Variants in NRG4 observed in about 807,000 individuals in gnomAD.
NRG4 encodes the protein neuregulin 4.
A neutral mutation model predicts 15.0 loss-of-function variants in NRG4; 10 were observed. That is an observed-to-expected ratio of 0.67 (90% CI 0.41 to 1.13). NRG4 has a LOEUF of 1.13. Ranked by LOEUF, NRG4 falls within the 50% of genes most tolerant of loss-of-function variation. The pLI is 0.00. For synonymous variants in NRG4, 41 were observed against 50.1 expected, an observed-to-expected ratio of 0.82 and a Z score of 0.77; for missense variants, 139 against 140.2, an observed-to-expected ratio of 0.99 and a Z score of 0.04.
At chr15:76,043,469 C>T (rs1450191431) in intron 4 of NRG4, among the ~76,000 whole-genome samples, 1 of 152,072 alleles carries the variant, frequency 6.6e-6, no homozygotes, top group East Asian at 1.9e-4. Context: ...ACAAAATCAA[C>T]AAACAAACAT....
Position 76,028,889 on chromosome 15 carries a change from T to C in NRG4, c.-57+7055A>G, listed in dbSNP as rs1227201440. Among the ~76,000 whole-genome samples the C allele has an allele frequency of 4.3e-5, 5 of 117,072 alleles. No individual in the cohort carries two copies. In the Admixed American group the frequency reaches 5.9e-4, roughly 14 times the overall value. The allele number at this position is 117,072 out of a possible 152,430, so 76.8% of individuals were successfully genotyped here. On this transcript the variant is annotated intron_variant, in intron 5 of 8. Coordinates refer to the NRG4 transcript ENST00000563910. ...CTGCACTCCAGCCTGGGTGGCAGAG[T>C]GAGACTCCTCCTCCAAAAAAAAAAA...
chr15:76,052,459 C>A (rs1430370398), intron 3 of NRG4, among the ~76,000 whole-genome samples: 1 of 150,944 alleles, frequency 6.6e-6, no homozygotes, highest in Non-Finnish European at 1.5e-5. Flanking sequence ...ATTAAAAGAT[C>A]AGATGGTGGT....
chr15:76,050,938 C>T (rs1295800134), intron 4 of NRG4, among the ~76,000 whole-genome samples: 1 of 149,862 alleles, frequency 6.7e-6, no homozygotes, highest in African/African-American at 2.5e-5. Flanking sequence ...ACCAAGTAGC[C>T]AGGACCACAG....
intron 1 of NRG4, chr15:76,057,042 A>G (rs1206276667): frequency 6.6e-6 from 1 of 152,244 alleles, no homozygotes; most frequent in Non-Finnish European, 1.5e-5. Flanking sequence ...TGATATACCA[A>G]GCTTAAACCC....
chr15:75,991,001 C>G (rs1461204054), intron 3 of NRG4, among the ~76,000 whole-genome samples: 1 of 152,050 alleles, frequency 6.6e-6, no homozygotes, highest in Non-Finnish European at 1.5e-5. Context: ...TTCTATTAAT[C>G]TAGCTATGAG....
chr15:76,034,670 C>A (rs923889765), intron 5 of NRG4, among the ~76,000 whole-genome samples: 7 of 151,548 alleles, frequency 4.6e-5, no homozygotes, highest in African/African-American at 1.7e-4. Flanking sequence ...GGATTCTTAT[C>A]TCTTAGCTGC....
rs531525215 is a variant in NRG4, at chr15:75,970,608, G to A, written c.105-8634C>T. ...AACCAGACCTTACCAGGTCACTCTC[G>A]ATAATTATTCCAATGGTAATTCTTT... On this transcript the variant is annotated intron_variant, in intron 3 of 5. Transcript: ENST00000394907. Among the ~76,000 whole-genome samples the A allele has an allele frequency of 1.7e-4, 26 of 152,300 alleles. No homozygotes were observed. The East Asian group carries it at 4.0e-3, about 24-fold the overall frequency.
At chr15:75,999,072 C>A (rs901215171) in intron 3 of NRG4, among the ~76,000 whole-genome samples, 4 of 152,104 alleles carry the variant, frequency 2.6e-5, no homozygotes, top group Non-Finnish European at 4.4e-5. Context: ...AAAACGGAGT[C>A]CAGTAAGAAT....
intron 3 of NRG4, among the ~76,000 whole-genome samples, chr15:75,973,816 GC>G (rs1387130696): frequency 6.6e-6 from 1 of 152,162 alleles, no homozygotes; most frequent in Non-Finnish European, 1.5e-5. Context: ...AGGGATACTG[GC>G]CTGAAATTTT....
At chr15:76,059,121 T>C (rs1340844579) in intron 1 of NRG4, among the ~76,000 whole-genome samples, 1 of 152,150 alleles carries the variant, frequency 6.6e-6, no homozygotes, top group Non-Finnish European at 1.5e-5. Context: ...TCTGCGGTAC[T>C]GGGATTTCAC....
At chr15:75,940,118 A>G (rs1160782082), downstream of NRG4, 1 of 123,240 alleles carries the variant, frequency 8.1e-6, no homozygotes, top group Non-Finnish European at 1.8e-5. Context: ...ACACCAAAAA[A>G]AAAAAATAAC....
At chr15:75,955,720 T>A (rs1289667907) in intron 5 of NRG4, among the ~76,000 whole-genome samples, 7 of 151,958 alleles carry the variant, frequency 4.6e-5, no homozygotes, top group Non-Finnish European at 8.8e-5. Context: ...TAACATTGTT[T>A]TCTTTGGGAA....
chr15:75,951,780 G>C (rs546220060), intron 5 of NRG4, among the ~76,000 whole-genome samples: 1 of 152,154 alleles, frequency 6.6e-6, no homozygotes, highest in East Asian at 1.9e-4. Context: ...TATGTATGTT[G>C]TAAGTCCCAT....
intron 3 of NRG4, among the ~76,000 whole-genome samples, chr15:75,979,143 ATGTT>A (rs575641533): frequency 2.8e-4 from 42 of 152,206 alleles, no homozygotes; most frequent in Non-Finnish European, 6.2e-4. Flanking sequence ...CCATTTATCT[ATGTT>A]TGCTTTTGTT....
chr15:75,971,317 G>T (rs1192345500), intron 3 of NRG4: 2 of 431,728 alleles, frequency 4.6e-6, no homozygotes, highest in African/African-American at 4.1e-5. Context: ...AGGTGATATA[G>T]ATCTATCCCT....
intron 2 of NRG4, 69 bp from the exon 3 acceptor site, chr15:76,009,362 A>T (rs2034724684): frequency 1.5e-6 from 1 of 681,804 alleles, no homozygotes; most frequent in Non-Finnish European, 2.4e-6. Context: ...AAGGAATAGG[A>T]ATAACTATCT....
intron 2 of NRG4, among the ~76,000 whole-genome samples, chr15:76,056,199 A>G (rs1243658831): frequency 6.6e-6 from 1 of 152,000 alleles, no homozygotes; most frequent in African/African-American, 2.4e-5. Flanking sequence ...TGTAATCCCA[A>G]CCCTTTGGGA....
At chr15:76,051,565 CTT>C (rs917470740) in intron 4 of NRG4, among the ~76,000 whole-genome samples, 29 of 133,394 alleles carry the variant, frequency 2.2e-4, no homozygotes, top group Admixed American at 2.2e-4. Flanking sequence ...GAACAATCTT[CTT>C]TTTTTTTTTT....
chr15:75,980,162 C>G (rs1286139764), intron 3 of NRG4, among the ~76,000 whole-genome samples: 3 of 151,976 alleles, frequency 2.0e-5, no homozygotes, highest in Non-Finnish European at 2.9e-5. Context: ...GAACAAGAAC[C>G]ATGTTCAGTA....
Sources: gnomAD v4.1 joint callset for allele counts (sites outside exome capture counted in the v4.1 genomes callset) on GRCh38, gnomAD v4.1.1 for gene constraint, MANE v1.5 for transcripts, NCBI Gene and HGNC (gene_info 2026-07-23, HGNC 2026-07-21) for gene names.